The following CCDC33 variants were observed in gnomAD, a reference collection of about 807,000 sequenced individuals.
CCDC33 encodes coiled-coil domain-containing protein 33.
Under a neutral mutation model 91.9 loss-of-function variants are expected in CCDC33, and 94 were observed. The ratio of observed to expected loss-of-function variants is 1.02; its 90% CI spans 0.87 to 1.21. CCDC33 has a LOEUF of 1.21. Ranked by LOEUF, CCDC33 falls within the 50% of genes most tolerant of loss-of-function variation. The probability of loss-of-function intolerance (pLI) is 0.00; values close to 1 mark genes in which losing one functional copy is unlikely to be tolerated. For missense variants in CCDC33, 940 were observed against 935.5 expected, an observed-to-expected ratio of 1.00 and a Z score of -0.06; for synonymous variants, 396 against 374.5, an observed-to-expected ratio of 1.06 and a Z score of -0.66.
intron 2 of CCDC33, among the ~76,000 whole-genome samples, chr15:74,255,507 G>A (rs2142336223): frequency 1.3e-5 from 2 of 152,378 alleles, no homozygotes; most frequent in Admixed American, 6.5e-5. Flanking sequence ...CCTGAGTGAG[G>A]AGAGGAGCTA....
At chr15:74,307,490 T>C (rs1419072244) in intron 11 of CCDC33, among the ~76,000 whole-genome samples, 1 of 149,990 alleles carries the variant, frequency 6.7e-6, no homozygotes. Context: ...CGAGGGGGAG[T>C]CTTGGTCCAA....
intron 3 of CCDC33, among the ~76,000 whole-genome samples, chr15:74,265,401 C>G (rs1315714795): frequency 6.6e-6 from 1 of 152,180 alleles, no homozygotes; most frequent in Non-Finnish European, 1.5e-5. Flanking sequence ...TATCCTTCTC[C>G]TCCTTTTCTC....
upstream of CCDC33, chr15:74,236,190 G>A (rs556569576): frequency 6.5e-6 from 1 of 152,876 alleles, no homozygotes; most frequent in East Asian, 1.9e-4. Flanking sequence ...GCGGCAGGTG[G>A]AACACAGCTC....
At chr15:74,233,515 T>C (rs543615487), upstream of CCDC33, among the ~76,000 whole-genome samples, 6 of 152,298 alleles carry the variant, frequency 3.9e-5, no homozygotes, top group South Asian at 2.1e-4. Flanking sequence ...TGCAGAGAGA[T>C]TGGAGAGCTG....
rs979854819 is a variant in CCDC33 at position 74,271,755 on chromosome 15, T to C, written c.599T>C (p.Val200Ala). ...EPLANNPNPI[V>A]VIARVVPNYK... ...CTGGCCAACAACCCCAACCCCATAG[T>C]GGTGATTGCCCGGGTCGTTCCCAAC... Residue 200 changes from valine (V) to alanine (A), a missense_variant, in exon 6 of 19, where the codon GTG becomes GCG. Val to Ala is a moderately conservative substitution (Grantham distance 64). Transcript: ENST00000398814. The C allele has an allele frequency of 1.2e-6, 2 of 1,613,770 alleles. No individual in the cohort carries two copies. Among genetic ancestry groups the C allele is most frequent in the Non-Finnish European group, 1.7e-6 (2 of 1,179,820 alleles).
intron 10 of CCDC33, among the ~76,000 whole-genome samples, chr15:74,294,182 T>C (rs993477093): frequency 9.9e-5 from 15 of 152,130 alleles, no homozygotes; most frequent in Non-Finnish European, 2.1e-4. Flanking sequence ...AGTGTGCCCA[T>C]TGCTCTATTT....
chr15:74,299,310 C>A (rs1372157954), intron 11 of CCDC33, among the ~76,000 whole-genome samples: 1 of 152,200 alleles, frequency 6.6e-6, no homozygotes, highest in Non-Finnish European at 1.5e-5. Flanking sequence ...GGCTGCTAGC[C>A]CTGGTTTGCT....
chr15:74,244,161 G>A lies in CCDC33; in HGVS notation c.185+13G>A, dbSNP rs548269749. On this transcript the variant is annotated intron_variant, in intron 2 of 18. Coordinates refer to ENST00000398814, the MANE Select transcript of CCDC33 (RefSeq NM_025055.5). The surrounding 1 kb of genome is among the most constrained non-coding windows in gnomAD (Gnocchi z 4.2). Reference sequence around the variant, plus strand: ...CCTATGTGGTGGTGTAAGTAGCTGCGTGAGAGTGGGGGCAGGGGATGGGTT... The same window carrying A: ...CCTATGTGGTGGTGTAAGTAGCTGCATGAGAGTGGGGGCAGGGGATGGGTT... 40 of 1,601,858 alleles carry A rather than the reference G, an allele frequency of 2.5e-5. No homozygotes were observed. Among genetic ancestry groups the A allele is most frequent in the East Asian group, 6.7e-5 (3 of 44,668 alleles).
chr15:74,228,858 A>G (rs2074881954), intron 2 of CCDC33, among the ~76,000 whole-genome samples: 1 of 152,166 alleles, frequency 6.6e-6, no homozygotes, highest in Non-Finnish European at 1.5e-5. Context: ...ATGGCCTCAA[A>G]TGAGATTAGG....
At chr15:74,238,224 A>G (rs1304017523) in intron 1 of CCDC33, among the ~76,000 whole-genome samples, 2 of 152,174 alleles carry the variant, frequency 1.3e-5, no homozygotes, top group Admixed American at 1.3e-4. Context: ...TCTGGCCAAC[A>G]TGGTGAAACC....
intron 10 of CCDC33, among the ~76,000 whole-genome samples, chr15:74,285,252 G>A (rs1452295985): frequency 6.6e-6 from 1 of 152,158 alleles, no homozygotes; most frequent in African/African-American, 2.4e-5. Flanking sequence ...CTGGATAATT[G>A]GACATTTTGG....
intron 1 of CCDC33, among the ~76,000 whole-genome samples, chr15:74,240,873 G>A (rs940829409): frequency 2.0e-5 from 3 of 152,332 alleles, no homozygotes; most frequent in African/African-American, 4.8e-5. Flanking sequence ...GATTACAGGC[G>A]TGAGCCACCA....
In CCDC33 at chr15:74,308,820, G is replaced by A. The variant is rs77174764; in HGVS notation, c.1290+12872G>A. 4.7e-4 allele frequency among the ~76,000 whole-genome samples: 72 copies of A among 152,338 alleles called. No individual in the cohort carries two copies. The East Asian group carries it at 0.014, about 29-fold the overall frequency. On this transcript the variant is annotated intron_variant, in intron 11 of 18. Coordinates refer to ENST00000398814, the MANE Select transcript of CCDC33 (RefSeq NM_025055.5). ...GGAAGGGCCAGGAAGAGCAATGACAGCTGGACCCTCTCAGAGGACTAGTTT... is the reference window on the plus strand; with the variant it reads ...GGAAGGGCCAGGAAGAGCAATGACAACTGGACCCTCTCAGAGGACTAGTTT...
At chr15:74,319,742 C>G (rs556387290) in intron 11 of CCDC33, 2 of 152,416 alleles carry the variant, frequency 1.3e-5, no homozygotes, top group African/African-American at 2.4e-5. Context: ...GCCCCGCCCC[C>G]ACCCCAGCCC....
intron 2 of CCDC33, among the ~76,000 whole-genome samples, chr15:74,256,989 A>G (rs1266596824): frequency 3.3e-5 from 5 of 152,190 alleles, no homozygotes; most frequent in Non-Finnish European, 7.3e-5. Flanking sequence ...GTTTCTCGGA[A>G]GGTGCCCTTT....
At chr15:74,257,675 C>T (rs1019790637) in intron 2 of CCDC33, among the ~76,000 whole-genome samples, 1 of 152,244 alleles carries the variant, frequency 6.6e-6, no homozygotes, top group African/African-American at 2.4e-5. Context: ...CCCCTCAAGC[C>T]TCACCTTCTC....
chr15:74,230,222 T>TTGGGG (rs2074926863), intron 2 of CCDC33, among the ~76,000 whole-genome samples: 1 of 152,120 alleles, frequency 6.6e-6, no homozygotes, highest in Non-Finnish European at 1.5e-5. Flanking sequence ...GAGGAGGGCC[T>TTGGGG]TGGTCAGATT....
At chr15:74,281,005 C>A (rs542321103) in intron 9 of CCDC33, among the ~76,000 whole-genome samples, 1 of 152,212 alleles carries the variant, frequency 6.6e-6, no homozygotes, top group African/African-American at 2.4e-5. Flanking sequence ...GGGACTATGA[C>A]GAACCAAGCC....
Position 74,244,092 on chromosome 15 carries a change from G to A in CCDC33, c.129G>A (p.Gly43=). 1 of 1,614,014 alleles carries A rather than the reference G, an allele frequency of 6.2e-7. No individual in the cohort carries two copies. Residue 43 remains glycine, a synonymous_variant, in exon 2 of 19, where the codon GGG becomes GGA. Coordinates refer to ENST00000398814, the MANE Select transcript of CCDC33 (RefSeq NM_025055.5). The surrounding 1 kb of genome is among the most constrained non-coding windows in gnomAD (Gnocchi z 4.2). ...AGACCATCATGGTCACCCTCCATGG[G>A]GCTACCAACCTGCCTGCCTGCAAGG... ...KKETIMVTLH[G]ATNLPACKDG... is the part of the protein sequence containing the mutation.
Sources: allele counts gnomAD v4.1 joint callset (sites outside exome capture counted in the v4.1 genomes callset), GRCh38; gene constraint gnomAD v4.1.1; non-coding constraint Gnocchi (gnomAD v3.1); transcripts MANE v1.5; gene names NCBI Gene and HGNC (gene_info 2026-07-23, HGNC 2026-07-21).